QPCT: variants seen among roughly 807,000 people sequenced by gnomAD.
QPCT encodes the protein glutaminyl-peptide cyclotransferase.
In QPCT, 44 loss-of-function variants were observed where a neutral mutation model predicts 43.4. The observed-to-expected ratio is 1.01, with a 90% CI of 0.80 to 1.30. The LOEUF (loss-of-function observed/expected upper bound fraction) is 1.30, where lower values mean the gene tolerates loss of function less well. QPCT is among the 50% of genes most tolerant of loss of function. The pLI, the probability that QPCT is intolerant of heterozygous loss-of-function variation, is 0.00. For missense variants in QPCT, 526 were observed against 436.5 expected (o/e 1.21, Z -1.83); for synonymous variants, 168 against 168.4 (o/e 1.00, Z 0.02).
intron 5 of QPCT, 23 bp from the exon 6 acceptor site, chr2:37,372,333 T>C (rs775852741): frequency 9.4e-6 from 14 of 1,481,684 alleles, no homozygotes; most frequent in Non-Finnish European, 1.3e-5. Context: ...GTTGTTCATT[T>C]ACTGTATAAT....
At chr2:37,372,289 A>G in intron 5 of QPCT, 67 bp from the exon 6 acceptor site, 1 of 1,135,054 alleles carries the variant, frequency 8.8e-7, no homozygotes, top group Non-Finnish European at 1.3e-6. Flanking sequence ...TCCTTAAATA[A>G]GGATACATTA....
Position 37,361,962 on chromosome 2 carries a change from C to A in QPCT, c.546+2104C>A, listed in dbSNP as rs76569208. 8.4e-3 allele frequency among the ~76,000 whole-genome samples: 1,284 copies of A among 152,248 alleles called. 20 individuals carry two copies. The highest frequency in any genetic ancestry group is 0.029 in the African/African-American group (1,200 of 41,538). On this transcript the variant is annotated intron_variant, in intron 3 of 6. Coordinates refer to ENST00000338415, the MANE Select transcript of QPCT (RefSeq NM_012413.4). ...TAGGCTGAGTTACTAGTAACGAAGG[C>A]CATGGCTATTTTTCTGCCATTCCTG...
At chr2:37,356,394 A>G (rs1349065877) in intron 2 of QPCT, among the ~76,000 whole-genome samples, 1 of 151,946 alleles carries the variant, frequency 6.6e-6, no homozygotes, top group Non-Finnish European at 1.5e-5. Context: ...TAGCAACCCA[A>G]AGTGTGATCT....
At position 37,359,769 on chromosome 2, in the gene QPCT, GTGTT is replaced by G; in HGVS notation, c.461_464del (p.Phe154Ter). On this transcript the variant is annotated frameshift_variant, in exon 3 of 7. Transcript: ENST00000338415. LOFTEE classifies it high-confidence loss of function. ...GTATTTTTCCCACTGGAACAACAGA[GTGTT>G]TGTAGGAGCCACTGATTCAGCCGTG... 1 of 1,614,160 alleles carries G rather than the reference GTGTT, an allele frequency of 6.2e-7. No individual in the cohort carries two copies. The highest frequency in any genetic ancestry group is 8.5e-7 in the Non-Finnish European group (1 of 1,180,014).
chr2:37,350,104 A>C (rs1672586766), intron 1 of QPCT, among the ~76,000 whole-genome samples: 1 of 152,130 alleles, frequency 6.6e-6, no homozygotes, highest in South Asian at 2.1e-4. Flanking sequence ...CTGCAAGCTG[A>C]AGTGAGCAGG....
intron 3 of QPCT, among the ~76,000 whole-genome samples, chr2:37,366,440 C>A (rs1672962938): frequency 6.6e-6 from 1 of 152,176 alleles, no homozygotes; most frequent in Non-Finnish European, 1.5e-5. Flanking sequence ...TCTCCCCAAC[C>A]CAACTAAAGT....
intron 4 of QPCT, 93 bp downstream of exon 4, chr2:37,367,501 A>G (rs956198003): frequency 1.6e-6 from 2 of 1,278,256 alleles, no homozygotes; most frequent in Non-Finnish European, 2.1e-6. Context: ...AAAATGCCAC[A>G]GCATCCTTGG....
At chr2:37,352,465 G>C (rs932344920) in intron 1 of QPCT, among the ~76,000 whole-genome samples, 1 of 151,806 alleles carries the variant, frequency 6.6e-6, no homozygotes, top group South Asian at 2.1e-4. Flanking sequence ...CTAGAACAAC[G>C]GGCATGCACC....
rs1343020742 is a variant in QPCT, at chr2:37,353,046, C to G, written c.267+111C>G. 3.2e-6 allele frequency: 4 copies of G among 1,268,436 alleles called. No individual in the cohort carries two copies. In the Admixed American group the frequency reaches 8.3e-5, roughly 26 times the overall value. The allele number at this position is 1,268,436 out of a possible 1,614,324, so 78.6% of individuals were successfully genotyped here. A position where few individuals can be genotyped will look rare whatever the true frequency, so the allele number is the denominator to read the frequency against. ...GTCTAATATTCAGATCTGTCATCTC[C>G]TCATTCACCAAATAGTCAACCAAGA... On this transcript the variant is annotated intron_variant, in intron 2 of 6. Transcript: ENST00000338415.
At chr2:37,356,618 A>G (rs1437148302) in intron 2 of QPCT, among the ~76,000 whole-genome samples, 3 of 152,228 alleles carry the variant, frequency 2.0e-5, no homozygotes, top group Non-Finnish European at 2.9e-5. Flanking sequence ...AACAAGGGAT[A>G]TTGGTGAACT....
chr2:37,352,691 C>G lies in QPCT; in HGVS notation c.121-98C>G. On this transcript the variant is annotated intron_variant, in intron 1 of 6. Coordinates refer to ENST00000338415, the MANE Select transcript of QPCT (RefSeq NM_012413.4). ...TTACCTCATTTGACATAAAGTTCTCCCTTATTTTGAAGTTTTAAGCAATTA... is the reference window on the plus strand; with the variant it reads ...TTACCTCATTTGACATAAAGTTCTCGCTTATTTTGAAGTTTTAAGCAATTA... 2.1e-6 allele frequency: 3 copies of G among 1,413,634 alleles called. No individual in the cohort carries two copies. In the South Asian group the frequency reaches 3.9e-5, roughly 18 times the overall value. The allele number at this position is 1,413,634 out of a possible 1,614,324, so 87.6% of individuals were successfully genotyped here.
rs185225879 is a variant in QPCT, at chr2:37,355,253, G to T, written c.267+2318G>T. On this transcript the variant is annotated intron_variant, in intron 2 of 6. Transcript: ENST00000338415. The stretch of plus-strand genomic sequence containing the variant: ...TAATTTTTAGAGACCTATCTTCTAA[G>T]CTGTGGAAGACAAAGGAATTCTCAT... Among the ~76,000 whole-genome samples, 339 of 152,272 alleles carry T rather than the reference G, an allele frequency of 2.2e-3. 2 individuals carry two copies. The highest frequency in any genetic ancestry group is 7.6e-3 in the Admixed American group (116 of 15,292).
intron 1 of QPCT, among the ~76,000 whole-genome samples, chr2:37,346,666 T>G (rs1451428593): frequency 1.3e-5 from 2 of 152,218 alleles, no homozygotes; most frequent in South Asian, 4.1e-4. Context: ...CACTGTTCCA[T>G]TGAGAAACTG....
chr2:37,360,159 T>C (rs902181397), intron 3 of QPCT: 1 of 363,068 alleles, frequency 2.8e-6, no homozygotes, highest in Non-Finnish European at 5.1e-6. Context: ...TCAGGTATAG[T>C]ATGAGAATTG....
Position 37,372,398 on chromosome 2 carries a change from T to C in QPCT, c.866T>C (p.Leu289Ser), listed in dbSNP as rs1673097039. Reference sequence around the variant, plus strand: ...TTGGGTTTGCTCAAGGATCACTCTTTGGAGGGGCGGTATTTCCAGAATTAC... The same window carrying C: ...TTGGGTTTGCTCAAGGATCACTCTTCGGAGGGGCGGTATTTCCAGAATTAC... ...HELGLLKDHS[L>S]EGRYFQNYSY... Residue 289 changes from leucine to serine, a missense_variant, in exon 6 of 7, where the codon TTG becomes TCG. Leu to Ser is a moderately radical substitution (Grantham distance 145). Transcript: ENST00000338415. The C allele has an allele frequency of 6.2e-7, 1 of 1,614,168 alleles. No individual in the cohort carries two copies. The highest frequency in any genetic ancestry group is 8.5e-7 in the Non-Finnish European group (1 of 1,180,000).
At position 37,372,476 on chromosome 2, in the gene QPCT, ATGTGTGTGTGTGTGTGTGTTTG is replaced by A. The variant is rs758810080; in HGVS notation, c.940+15_940+36del. ...CATATTCCATTTTTAAGAAGAGGTA[ATGTGTGTGTGTGTGTGTGTTTG>A]TGTGTGTGTGCGTGCACAGCCTGAT... is the stretch of plus-strand genomic sequence containing the variant. On this transcript the variant is annotated splice_donor_5th_base_variant and intron_variant, in intron 6 of 6. Transcript: ENST00000338415. 5.1e-6 allele frequency: 8 copies of A among 1,559,822 alleles called. No individual in the cohort carries two copies. The highest frequency in any genetic ancestry group is 7.0e-6 in the Non-Finnish European group (8 of 1,137,620).
Position 37,344,778 on chromosome 2 carries a change from T to A in QPCT, c.47T>A (p.Leu16Gln), listed in dbSNP as rs762857538. Residue 16 changes from leucine to glutamine, a missense_variant, in exon 1 of 7, where the codon CTG (leucine) becomes CAG (glutamine). Transcript: ENST00000338415. ...CGCGTCGTGGGCACCCTCCACCTGC[T>A]GCTGCTGGTGGCCGCCCTGCCCTGG... Reference protein sequence around the residue: ...HRRVVGTLHLLLLVAALPWAS... With the variant: ...HRRVVGTLHLQLLVAALPWAS... The A allele has an allele frequency of 4.5e-5, 72 of 1,609,808 alleles. No individual in the cohort carries two copies. The highest frequency in any genetic ancestry group is 6.0e-5 in the Non-Finnish European group (71 of 1,178,930).
At chr2:37,363,398 G>C (rs1322879732) in intron 3 of QPCT, among the ~76,000 whole-genome samples, 1 of 149,116 alleles carries the variant, frequency 6.7e-6, no homozygotes, top group Non-Finnish European at 1.5e-5. Context: ...CGAGGTGGGA[G>C]GATTGCTTGA....
intron 5 of QPCT, among the ~76,000 whole-genome samples, chr2:37,371,090 C>T (rs748067849): frequency 3.9e-5 from 6 of 152,088 alleles, no homozygotes; most frequent in African/African-American, 1.2e-4. Context: ...ACTTTAGGTG[C>T]ATGTCATTGA....
Sources: gnomAD v4.1 joint callset for allele counts (sites outside exome capture counted in the v4.1 genomes callset) on GRCh38, gnomAD v4.1.1 for gene constraint, MANE v1.5 for transcripts, NCBI Gene and HGNC (gene_info 2026-07-23, HGNC 2026-07-21) for gene names.